The following TTF2 variants were observed in gnomAD, a reference collection of about 807,000 sequenced individuals.
TTF2 encodes RNA polymerase II termination factor.
A neutral mutation model predicts 142.4 loss-of-function variants in TTF2; 108 were observed. That is an observed-to-expected ratio of 0.76 (90% CI 0.65 to 0.89). The LOEUF (loss-of-function observed/expected upper bound fraction) is 0.89. TTF2 is among the 40% of genes least tolerant of loss of function. The pLI is 0.00. For missense variants in TTF2, 1,327 were observed against 1,379.8 expected (o/e 0.96, Z 0.61); for synonymous variants, 483 against 506.2 (o/e 0.95, Z 0.61).
chr1:117,065,454 C>T (rs990326824), intron 3 of TTF2, among the ~76,000 whole-genome samples: 6 of 152,174 alleles, frequency 3.9e-5, no homozygotes, highest in South Asian at 2.1e-4. Flanking sequence ...AAAAATTAGC[C>T]GGGCATGGTG....
chr1:117,101,643 CT>C lies in TTF2; in HGVS notation c.*122del. On this transcript the variant is annotated 3_prime_UTR_variant, in exon 23 of 23. Coordinates refer to ENST00000369466, the MANE Select transcript of TTF2 (RefSeq NM_003594.4). This position sits in a 1 kb window ranked among gnomAD's most constrained non-coding sequence, Gnocchi z 5.9. Reference sequence around the variant, plus strand: ...TTGCATTTCAATTTCACCGTCAAGCCTTTCACCTTCCTCAAAATGAGGCATA... The same window carrying C: ...TTGCATTTCAATTTCACCGTCAAGCCTTCACCTTCCTCAAAATGAGGCATA... 8.7e-7 allele frequency: 1 copy of C among 1,149,186 alleles called. No individual in the cohort carries two copies. Among genetic ancestry groups the C allele is most frequent in the Non-Finnish European group, 1.2e-6 (1 of 867,824 alleles). The allele number at this position is 1,149,186 out of a possible 1,614,324, so 71.2% of individuals were successfully genotyped here. A position where few individuals can be genotyped will look rare whatever the true frequency, so the allele number is the denominator to read the frequency against.
At chr1:117,066,672 A>G (rs1473715836) in intron 3 of TTF2, among the ~76,000 whole-genome samples, 2 of 150,618 alleles carry the variant, frequency 1.3e-5, no homozygotes, top group African/African-American at 2.4e-5. Flanking sequence ...TGGCAAACAC[A>G]TACAGCTTTG....
rs1275277952 is a variant in TTF2 at position 117,106,198 on chromosome 1, A to T, written c.*4674A>T. The T allele has an allele frequency of 6.6e-6, 1 of 152,154 alleles. No individual in the cohort carries two copies. The highest frequency in any genetic ancestry group is 2.4e-5 in the African/African-American group (1 of 41,440). 9.4% of individuals were successfully genotyped at this position (152,154 alleles called of 1,614,324 possible). On this transcript the variant is annotated 3_prime_UTR_variant, in exon 23 of 23. Transcript: ENST00000369466. ...TGACCTAGACTAAAATGTCTTCATAACTACAAATGAAATCAGGGTCATTTA... is the reference window on the plus strand; with the variant it reads ...TGACCTAGACTAAAATGTCTTCATATCTACAAATGAAATCAGGGTCATTTA...
intron 3 of TTF2, among the ~76,000 whole-genome samples, chr1:117,066,266 G>T (rs1352817476): frequency 2.0e-5 from 3 of 152,134 alleles, no homozygotes; most frequent in Non-Finnish European, 4.4e-5. Context: ...TTATGAAGTG[G>T]CATTGCTGGG....
At chr1:117,077,784 T>G in intron 7 of TTF2, 132 bp from the exon 8 acceptor site, 3 of 1,250,750 alleles carry the variant, frequency 2.4e-6, no homozygotes, top group Admixed American at 2.0e-5. Context: ...GCTAGAGACA[T>G]GGAAAGTTGA....
Position 117,097,832 on chromosome 1 carries a change from C to T in TTF2, c.3269+399C>T, listed in dbSNP as rs1446559773. ...CCTTTGAAAAGAGGGAGAAGCATTA[C>T]TCCAAAAAGAAAAGGAATAGGGATT... On this transcript the variant is annotated intron_variant, in intron 21 of 22. Transcript: ENST00000369466. The surrounding 1 kb of genome is among the most constrained non-coding windows in gnomAD (Gnocchi z 4.1). 1.3e-5 allele frequency among the ~76,000 whole-genome samples: 2 copies of T among 152,134 alleles called. No homozygotes were observed. Among genetic ancestry groups the T allele is most frequent in the Non-Finnish European group, 2.9e-5 (2 of 68,014 alleles).
Position 117,097,259 on chromosome 1 carries a change from C to A in TTF2, c.3187-92C>A. On this transcript the variant is annotated intron_variant, in intron 20 of 22. Transcript: ENST00000369466. This position sits in a 1 kb window ranked among gnomAD's most constrained non-coding sequence, Gnocchi z 4.1. ...AAGGAAATTTGATAGGAACACAGTG[C>A]TTATCTGTATTGATTGTGGACTTAA... The A allele has an allele frequency of 9.2e-7, 1 of 1,088,988 alleles. No homozygotes were observed. The highest frequency in any genetic ancestry group is 1.3e-5 in the South Asian group (1 of 78,100). 67.5% of individuals were successfully genotyped at this position (1,088,988 alleles called of 1,614,324 possible). A position where few individuals can be genotyped will look rare whatever the true frequency, so the allele number is the denominator to read the frequency against.
rs1025317949 is a variant in TTF2 at position 117,097,793 on chromosome 1, C to A, written c.3269+360C>A. Reference sequence around the variant, plus strand: ...TATTCCAGACACACTTGTTGGGGTCCAAGGAAATTTCAACCTTTGAAAAGA... The same window carrying A: ...TATTCCAGACACACTTGTTGGGGTCAAAGGAAATTTCAACCTTTGAAAAGA... On this transcript the variant is annotated intron_variant, in intron 21 of 22. Transcript: ENST00000369466. This position sits in a 1 kb window ranked among gnomAD's most constrained non-coding sequence, Gnocchi z 4.1. Among the ~76,000 whole-genome samples the A allele has an allele frequency of 2.0e-5, 3 of 152,056 alleles. No homozygotes were observed. The East Asian group carries it at 5.8e-4, about 29-fold the overall frequency.
In TTF2 at chr1:117,095,390, C is replaced by T. The variant is rs761994545; in HGVS notation, c.3035+23C>T. Reference sequence around the variant, plus strand: ...GAGGTAACTGCGTTTTCTCATTATCCAAGTATTGGTCATAATTATGTGAGA... The same window carrying T: ...GAGGTAACTGCGTTTTCTCATTATCTAAGTATTGGTCATAATTATGTGAGA... On this transcript the variant is annotated intron_variant, in intron 19 of 22. Transcript: ENST00000369466. 10 of 1,609,370 alleles carry T rather than the reference C, an allele frequency of 6.2e-6. No individual in the cohort carries two copies. The East Asian group carries it at 1.1e-4, about 18-fold the overall frequency.
At chr1:117,061,953 A>G (rs911431941) in intron 2 of TTF2, among the ~76,000 whole-genome samples, 1 of 152,196 alleles carries the variant, frequency 6.6e-6, no homozygotes, top group African/African-American at 2.4e-5. Flanking sequence ...AAAAACTTAC[A>G]CAAAACAAGA....
intron 13 of TTF2, among the ~76,000 whole-genome samples, chr1:117,089,260 C>CTCTATATATATATATA (rs1553198318): frequency 1.5e-5 from 2 of 137,468 alleles, no homozygotes; most frequent in African/African-American, 5.4e-5. Flanking sequence ...CAAATATATG[C>CTCTATATATATATATA]TATATATATA....
chr1:117,101,268 TAAAGGAAGAAA>T lies in TTF2; in HGVS notation c.3345-111_3345-101del, dbSNP rs971328680. The T allele has an allele frequency of 3.5e-5, 42 of 1,207,104 alleles. No individual in the cohort carries two copies. Among genetic ancestry groups the T allele is most frequent in the Non-Finnish European group, 4.3e-5 (38 of 888,566 alleles). 74.8% of individuals were successfully genotyped at this position (1,207,104 alleles called of 1,614,324 possible). ...GTTCTTAACTGGACCTAAGAAGACT[TAAAGGAAGAAA>T]TCTCATTAAAAATGAAAGCATAATA... On this transcript the variant is annotated intron_variant, in intron 22 of 22. Coordinates refer to ENST00000369466, the MANE Select transcript of TTF2 (RefSeq NM_003594.4). The surrounding 1 kb of genome is among the most constrained non-coding windows in gnomAD (Gnocchi z 5.9).
intron 3 of TTF2, among the ~76,000 whole-genome samples, chr1:117,071,923 A>G (rs748026929): frequency 5.9e-5 from 9 of 152,132 alleles, no homozygotes; most frequent in South Asian, 4.1e-4. Context: ...CATGGATTAA[A>G]CAGGGAAGGG....
At chr1:117,078,595 G>T (rs1647212162) in intron 8 of TTF2, among the ~76,000 whole-genome samples, 1 of 152,230 alleles carries the variant, frequency 6.6e-6, no homozygotes, top group Admixed American at 6.5e-5. Flanking sequence ...GTATTCAGAA[G>T]TGGTGATCAG....
chr1:117,089,121 C>T (rs1648310386), intron 13 of TTF2, 139 bp downstream of exon 13: 1 of 836,696 alleles, frequency 1.2e-6, no homozygotes, highest in African/African-American at 1.8e-5. Context: ...CTTTAAAGGA[C>T]AAAAGAATAA....
At position 117,064,684 on chromosome 1, in the gene TTF2, A is replaced by T. The variant is rs1351943574; in HGVS notation, c.218+2211A>T. 4.0e-5 allele frequency among the ~76,000 whole-genome samples: 6 copies of T among 151,684 alleles called. No homozygotes were observed. In the East Asian group the frequency reaches 1.2e-3, roughly 30 times the overall value. ...CTGGGACTACAGGTGTGCACCAATA[A>T]TTTTTTTGTATTTTAGTAGAAACGG... On this transcript the variant is annotated intron_variant, in intron 3 of 22. Transcript: ENST00000369466.
Position 117,077,989 on chromosome 1 carries a change from A to C in TTF2, c.1647A>C (p.Ser549=). ...TSEAIGQLHR[S]LESCPGETVV... is the part of the protein sequence containing the mutation. ...AAGCCATCGGTCAACTGCATCGCTC[A>C]CTTGAGTCATGTCCTGGTGAGACGG... The change falls in exon 8 of 23, where the codon TCA becomes TCC. Residue 549 remains serine, a synonymous_variant. Transcript: ENST00000369466. 1 of 1,614,190 alleles carries C rather than the reference A, an allele frequency of 6.2e-7. No individual in the cohort carries two copies. Among genetic ancestry groups the C allele is most frequent in the Non-Finnish European group, 8.5e-7 (1 of 1,180,012 alleles).
Position 117,090,578 on chromosome 1 carries a change from C to G in TTF2, c.2543C>G (p.Ser848Cys). Residue 848 changes from serine (S) to cysteine (C), a missense_variant, in exon 15 of 23, where the codon TCT (serine) becomes TGT (cysteine). By Grantham distance (112) the Ser-to-Cys change is moderately radical. Transcript: ENST00000369466. The surrounding 1 kb of genome is among the most constrained non-coding windows in gnomAD (Gnocchi z 4.8). The part of the protein sequence containing the change: ...RKFQLHHLKL[S>C]EDEETVYNVF... ...TTTCAGTTGCACCATTTAAAGCTTT[C>G]TGAAGATGAAGAGACTGTTTACAAT... The G allele has an allele frequency of 6.2e-7, 1 of 1,613,912 alleles. No homozygotes were observed. Among genetic ancestry groups the G allele is most frequent in the Non-Finnish European group, 8.5e-7 (1 of 1,179,974 alleles).
rs889688496 is a variant in TTF2 at position 117,086,597 on chromosome 1, C to T, written c.2160+75C>T. On this transcript the variant is annotated intron_variant, in intron 12 of 22. Coordinates refer to ENST00000369466, the MANE Select transcript of TTF2 (RefSeq NM_003594.4). The surrounding 1 kb of genome is among the most constrained non-coding windows in gnomAD (Gnocchi z 4.2). ...TAATGGGAGTCTTTCTCAGCCTCCA[C>T]GATAGCAAGAGGACCTCCCTGGAGG... is the stretch of plus-strand genomic sequence containing the variant. 1.2e-5 allele frequency: 13 copies of T among 1,078,626 alleles called. No individual in the cohort carries two copies. The highest frequency in any genetic ancestry group is 7.4e-5 in the East Asian group (3 of 40,352). 66.8% of individuals were successfully genotyped at this position (1,078,626 alleles called of 1,614,324 possible).
Sources: gnomAD v4.1 joint callset for allele counts (sites outside exome capture counted in the v4.1 genomes callset) on GRCh38, gnomAD v4.1.1 for gene constraint, Gnocchi (gnomAD v3.1) non-coding constraint, MANE v1.5 for transcripts, NCBI Gene and HGNC (gene_info 2026-07-23, HGNC 2026-07-21) for gene names.